CYP20A1: variants seen among roughly 807,000 people sequenced by gnomAD.
CYP20A1 encodes cytochrome P450 family 20 subfamily A member 1, also known as cytochrome P450 20A1.
CYP20A1 carries 61 observed loss-of-function variants against 61.4 expected under a neutral mutation model. The observed-to-expected ratio is 0.99, with a 90% CI of 0.81 to 1.23. The LOEUF (loss-of-function observed/expected upper bound fraction) is 1.23, where lower values mean the gene tolerates loss of function less well. Ranked by LOEUF, CYP20A1 falls within the 50% of genes most tolerant of loss-of-function variation. CYP20A1 has a pLI of 0.00. For missense variants in CYP20A1, 530 were observed against 542.4 expected, an observed-to-expected ratio of 0.98 and a Z score of 0.23; for synonymous variants, 193 against 188.2, an observed-to-expected ratio of 1.03 and a Z score of -0.21.
intron 4 of CYP20A1, among the ~76,000 whole-genome samples, chr2:203,265,670 C>T (rs1010182209): frequency 6.6e-6 from 1 of 152,114 alleles, no homozygotes; most frequent in African/African-American, 2.4e-5. Context: ...TTAATTACAT[C>T]TACAAATGTT....
chr2:203,239,218 G>C, intron 1 of CYP20A1, 84 bp downstream of exon 1: 1 of 1,157,626 alleles, frequency 8.6e-7, no homozygotes, highest in Non-Finnish European at 1.3e-6. Flanking sequence ...TGCCCGCTGC[G>C]GGCCGCAGGG....
chr2:203,245,894 A>G lies in CYP20A1; in HGVS notation c.121A>G (p.Lys41Glu), dbSNP rs1413156210. The stretch of plus-strand genomic sequence containing the variant: ...TCCAGGGATTACTCCAACTGAAGAA[A>G]AGTGAGTAATTATTTTCTTGGAATT... ...GIPGITPTEE[K>E]DGNLPDIVNS... Residue 41 changes from lysine (K) to glutamate (E), a missense_variant and splice_region_variant, in exon 2 of 13, where the codon AAA (lysine) becomes GAA (glutamate). By Grantham distance (56) the Lys-to-Glu change is moderately conservative. Coordinates refer to ENST00000356079, the MANE Select transcript of CYP20A1 (RefSeq NM_177538.3). The G allele has an allele frequency of 1.3e-6, 2 of 1,588,264 alleles. No homozygotes were observed.
rs536525616 is a variant in CYP20A1, at chr2:203,297,926, A to T, written c.*1018A>T. The stretch of plus-strand genomic sequence containing the variant: ...TTTGAACCTGGGAGGCGGAGCTTGC[A>T]GTGAGCCGAGATTGCACCCCTGCAC... On this transcript the variant is annotated 3_prime_UTR_variant, in exon 13 of 13. Transcript: ENST00000356079. 6.6e-6 allele frequency: 1 copy of T among 152,400 alleles called. No homozygotes were observed. Among genetic ancestry groups the T allele is most frequent in the African/African-American group, 2.4e-5 (1 of 41,540 alleles). The allele number at this position is 152,400 out of a possible 1,614,324, so 9.4% of individuals were successfully genotyped here. A position where few individuals can be genotyped will look rare whatever the true frequency, so the allele number is the denominator to read the frequency against.
chr2:203,283,641 CG>C (rs1452523506), intron 8 of CYP20A1, among the ~76,000 whole-genome samples: 1 of 151,126 alleles, frequency 6.6e-6, no homozygotes, highest in Non-Finnish European at 1.5e-5. Context: ...CTCTGCCTCC[CG>C]GGTTCAAGCA....
At position 203,302,446 on chromosome 2, in the gene CYP20A1, A is replaced by G. The variant is rs571458772; in HGVS notation, c.*5538A>G. On this transcript the variant is annotated 3_prime_UTR_variant, in exon 13 of 13. Transcript: ENST00000356079. ...CTATTCAGGAGGCTGAGGCGAGAGGATGGCTTGAGCTCAGGAAGTCAAGGC... is the reference window on the plus strand; with the variant it reads ...CTATTCAGGAGGCTGAGGCGAGAGGGTGGCTTGAGCTCAGGAAGTCAAGGC... Among the ~76,000 whole-genome samples, 1 of 152,306 alleles carries G rather than the reference A, an allele frequency of 6.6e-6. No homozygotes were observed. The highest frequency in any genetic ancestry group is 2.4e-5 in the African/African-American group (1 of 41,578).
intron 4 of CYP20A1, among the ~76,000 whole-genome samples, chr2:203,253,383 C>T (rs1373454683): frequency 6.6e-6 from 1 of 152,186 alleles, no homozygotes; most frequent in Non-Finnish European, 1.5e-5. Context: ...GGGCTCCGGG[C>T]TCCATCCTCC....
At chr2:203,285,828 T>A in intron 9 of CYP20A1, 96 bp downstream of exon 9, 1 of 1,117,152 alleles carries the variant, frequency 9.0e-7, no homozygotes. Flanking sequence ...AAGCTACATA[T>A]TTTTATAGGA....
intron 6 of CYP20A1, among the ~76,000 whole-genome samples, chr2:203,273,886 G>T (rs1420293816): frequency 6.6e-6 from 1 of 152,170 alleles, no homozygotes; most frequent in Non-Finnish European, 1.5e-5. Context: ...GGCAGAAGTT[G>T]CAGTGAGCTG....
chr2:203,278,378 C>T (rs756695598), intron 6 of CYP20A1, among the ~76,000 whole-genome samples, 195 bp from the exon 7 acceptor site: 9 of 152,158 alleles, frequency 5.9e-5, no homozygotes, highest in Admixed American at 2.0e-4. Context: ...ATGCTTTGTG[C>T]ACTTTTTTGT....
Position 203,296,508 on chromosome 2 carries a change from A to G in CYP20A1, c.1183A>G (p.Met395Val). 1.2e-6 allele frequency: 2 copies of G among 1,612,876 alleles called. No individual in the cohort carries two copies. Among genetic ancestry groups the G allele is most frequent in the Non-Finnish European group, 1.7e-6 (2 of 1,179,388 alleles). The change falls in exon 12 of 13, where the codon ATG becomes GTG. Residue 395 changes from methionine to valine, a missense_variant. Met to Val is a conservative substitution (Grantham distance 21). Transcript: ENST00000356079. ...DPDRFDDELV[M>V]KTFSSLGFSG... is the part of the protein sequence containing the mutation. ...AGATCGGTTTGATGATGAATTAGTA[A>G]TGAAAACTTTTTCCTCACTTGGATT...
At chr2:203,253,768 G>A (rs2066788301) in intron 4 of CYP20A1, among the ~76,000 whole-genome samples, 1 of 151,940 alleles carries the variant, frequency 6.6e-6, no homozygotes, top group Non-Finnish European at 1.5e-5. Flanking sequence ...CCAAGGAAAG[G>A]AGTAACAGTA....
At chr2:203,242,150 TA>T (rs1391007593) in intron 1 of CYP20A1, among the ~76,000 whole-genome samples, 1 of 148,166 alleles carries the variant, frequency 6.7e-6, no homozygotes, top group Non-Finnish European at 1.5e-5. Context: ...CCTAATTTTT[TA>T]ATTTTTTAAT....
At position 203,297,785 on chromosome 2, in the gene CYP20A1, C is replaced by G. The variant is rs2068874363; in HGVS notation, c.*877C>G. On this transcript the variant is annotated 3_prime_UTR_variant, in exon 13 of 13. Transcript: ENST00000356079. ...CTGAGGTCAGGAATTCGAGATCAGCCTGGCCAACATGGTGAAACCCCATCT... is the reference window on the plus strand; with the variant it reads ...CTGAGGTCAGGAATTCGAGATCAGCGTGGCCAACATGGTGAAACCCCATCT... 6.6e-6 allele frequency: 1 copy of G among 152,222 alleles called. No homozygotes were observed. The allele number at this position is 152,222 out of a possible 1,614,324, so 9.4% of individuals were successfully genotyped here.
At chr2:203,285,915 T>G (rs2068247743) in intron 9 of CYP20A1, among the ~76,000 whole-genome samples, 183 bp downstream of exon 9, 1 of 152,186 alleles carries the variant, frequency 6.6e-6, no homozygotes, top group South Asian at 2.1e-4. Context: ...TGGGAAATGT[T>G]TAACTTAGCC....
chr2:203,243,148 GTTT>G (rs924202677), intron 1 of CYP20A1, among the ~76,000 whole-genome samples: 2 of 152,036 alleles, frequency 1.3e-5, no homozygotes, highest in Non-Finnish European at 2.9e-5. Flanking sequence ...ATAATCTCTT[GTTT>G]TTTTGAGACG....
In CYP20A1 at chr2:203,289,823, G is replaced by T. The variant is rs775304867; in HGVS notation, c.1030G>T (p.Ala344Ser). Residue 344 changes from alanine (A) to serine (S), a missense_variant, in exon 10 of 13, where the codon GCC becomes TCC. Physicochemically the swap from Ala to Ser is moderately conservative, Grantham distance 99. Coordinates refer to ENST00000356079, the MANE Select transcript of CYP20A1 (RefSeq NM_177538.3). ...VRTAKLTPVS[A>S]QLQDIEGKID... ...AACTGCCAAACTGACTCCAGTTTCT[G>T]CCCAGCTTCAAGATATTGAAGGAAA... The T allele has an allele frequency of 1.2e-6, 2 of 1,601,008 alleles. No individual in the cohort carries two copies. Among genetic ancestry groups the T allele is most frequent in the Non-Finnish European group, 1.7e-6 (2 of 1,172,954 alleles).
At chr2:203,239,970 C>A (rs1294279590) in intron 1 of CYP20A1, among the ~76,000 whole-genome samples, 1 of 152,132 alleles carries the variant, frequency 6.6e-6, no homozygotes, top group Non-Finnish European at 1.5e-5. Context: ...GTGGCGGGCG[C>A]CTGTAATCCC....
intron 10 of CYP20A1, among the ~76,000 whole-genome samples, chr2:203,290,729 G>A (rs915302803): frequency 4.6e-5 from 7 of 151,880 alleles, no homozygotes; most frequent in Admixed American, 2.0e-4. Context: ...TGCAACCTCC[G>A]CCTCCCGAGT....
chr2:203,270,736 CTTTTTTTTTT>C (rs551427259), intron 5 of CYP20A1, among the ~76,000 whole-genome samples: 1 of 127,978 alleles, frequency 7.8e-6, no homozygotes, highest in African/African-American at 2.9e-5. Context: ...TTTTTTTTTT[CTTTTTTTTTT>C]TTTTTAGGCT....
Sources: gnomAD v4.1 joint callset for allele counts (sites outside exome capture counted in the v4.1 genomes callset) on GRCh38, gnomAD v4.1.1 for gene constraint, MANE v1.5 for transcripts, NCBI Gene and HGNC (gene_info 2026-07-23, HGNC 2026-07-21) for gene names.